The following MAPK8 variants were observed in gnomAD, a reference collection of about 807,000 sequenced individuals.
MAPK8 encodes mitogen-activated protein kinase 8, also known as JUN N-terminal kinase.
MAPK8 carries 13 observed loss-of-function variants against 52.9 expected under a neutral mutation model. The ratio of observed to expected loss-of-function variants is 0.25; its 90% CI spans 0.16 to 0.39. MAPK8 has a LOEUF of 0.39. MAPK8 is among the 10% of genes least tolerant of loss of function. The pLI, the probability that MAPK8 is intolerant of heterozygous loss-of-function variation, is 1.00. For synonymous variants in MAPK8, 191 were observed against 169.8 expected, an observed-to-expected ratio of 1.12 and a Z score of -0.97; for missense variants, 300 against 519.2, an observed-to-expected ratio of 0.58 and a Z score of 4.10.
intron 1 of MAPK8, among the ~76,000 whole-genome samples, chr10:48,388,605 C>T (rs192042500): frequency 4.6e-5 from 7 of 152,192 alleles, no homozygotes; most frequent in African/African-American, 1.7e-4. Flanking sequence ...AGCATGTTCC[C>T]CCCAGTTTTA....
At chr10:48,326,196 ATTT>A (rs1843504702) in intron 1 of MAPK8, among the ~76,000 whole-genome samples, 1 of 152,038 alleles carries the variant, frequency 6.6e-6, no homozygotes, top group African/African-American at 2.4e-5. Flanking sequence ...TGTGCAGGAG[ATTT>A]TTATTTTCTC....
At chr10:48,354,729 A>AT (rs5784756) in intron 1 of MAPK8, among the ~76,000 whole-genome samples, 14,822 of 152,140 alleles carry the variant, frequency 0.097, 752 homozygotes, top group Non-Finnish European at 0.11. Flanking sequence ...ACTGCTGAGA[A>AT]TTTTAAGCAA....
At chr10:48,411,755 C>T (rs1329833127) in intron 5 of MAPK8, among the ~76,000 whole-genome samples, 1 of 151,856 alleles carries the variant, frequency 6.6e-6, no homozygotes, top group Non-Finnish European at 1.5e-5. Context: ...CATAGGATGT[C>T]TTACCATTTC....
At chr10:48,337,020 A>G (rs1844752412) in intron 1 of MAPK8, among the ~76,000 whole-genome samples, 1 of 152,216 alleles carries the variant, frequency 6.6e-6, no homozygotes, top group African/African-American at 2.4e-5. Context: ...CAACCACACA[A>G]TAATAGTGGA....
At chr10:48,318,208 C>T (rs1177989227) in intron 1 of MAPK8, among the ~76,000 whole-genome samples, 1 of 152,100 alleles carries the variant, frequency 6.6e-6, no homozygotes, top group Admixed American at 6.5e-5. Context: ...CTCAGGGAAA[C>T]TTGTTTTTGC....
In MAPK8 at chr10:48,404,309, A is replaced by G. The variant is rs149719619; in HGVS notation, c.123-543A>G. 4.8e-3 allele frequency among the ~76,000 whole-genome samples: 722 copies of G among 151,762 alleles called. 6 individuals carry two copies. Among genetic ancestry groups the G allele is most frequent in the African/African-American group, 0.016 (663 of 41,370 alleles). Reference sequence around the variant, plus strand: ...GTAGCTGGGACTACAGGTGTGCACCATCACACCCAGCTAATTTTTTTGTAT... The same window carrying G: ...GTAGCTGGGACTACAGGTGTGCACCGTCACACCCAGCTAATTTTTTTGTAT... On this transcript the variant is annotated intron_variant, in intron 2 of 11. Coordinates refer to ENST00000374189, the MANE Select transcript of MAPK8 (RefSeq NM_001323329.2).
rs533265857 is a variant in MAPK8, at chr10:48,374,551, G to A, written c.-49-27061G>A. ...ATAGATACAATAGAAAATGATAAAG[G>A]GGATATCACCACTGATCCCACAGAA... On this transcript the variant is annotated intron_variant, in intron 1 of 11. Transcript: ENST00000374189. Among the ~76,000 whole-genome samples, 3 of 152,080 alleles carry A rather than the reference G, an allele frequency of 2.0e-5. No individual in the cohort carries two copies. The South Asian group carries it at 6.2e-4, about 32-fold the overall frequency.
chr10:48,418,190 A>G (rs74130265), intron 5 of MAPK8, among the ~76,000 whole-genome samples: 258 of 152,298 alleles, frequency 1.7e-3, no homozygotes, highest in African/African-American at 6.0e-3. Flanking sequence ...TGACAGCTTC[A>G]TGAAATGTTT....
intron 1 of MAPK8, among the ~76,000 whole-genome samples, chr10:48,312,530 G>C (rs2132075265): frequency 6.6e-6 from 1 of 152,276 alleles, no homozygotes; most frequent in African/African-American, 2.4e-5. Context: ...ACAAGCACTT[G>C]CTTTGCTTGG....
chr10:48,402,421 A>T (rs1453838710), intron 2 of MAPK8, among the ~76,000 whole-genome samples: 1 of 152,238 alleles, frequency 6.6e-6, no homozygotes, highest in African/African-American at 2.4e-5. Flanking sequence ...TGGGGAATGA[A>T]GTCAGCTAAT....
intron 2 of MAPK8, among the ~76,000 whole-genome samples, chr10:48,402,328 A>G (rs59115521): frequency 0.047 from 7,091 of 152,284 alleles, 554 homozygotes; most frequent in African/African-American, 0.16. Flanking sequence ...ATTCCCATAG[A>G]TAATTGTTTA....
intron 1 of MAPK8, among the ~76,000 whole-genome samples, chr10:48,363,430 C>G (rs952565472): frequency 6.6e-6 from 1 of 152,218 alleles, no homozygotes; most frequent in Non-Finnish European, 1.5e-5. Context: ...TATGTGTGGT[C>G]TAATGATTAT....
At chr10:48,379,188 C>T (rs1189984493) in intron 1 of MAPK8, among the ~76,000 whole-genome samples, 1 of 152,202 alleles carries the variant, frequency 6.6e-6, no homozygotes, top group African/African-American at 2.4e-5. Context: ...GAATTCTTCT[C>T]TTCTTGAAGT....
intron 5 of MAPK8, among the ~76,000 whole-genome samples, chr10:48,414,163 TATATA>T (rs2042934186): frequency 1.3e-5 from 2 of 152,050 alleles, no homozygotes; most frequent in South Asian, 2.1e-4. Context: ...TACATAGAAT[TATATA>T]ATATGTGATA....
chr10:48,408,535 A>G (rs1293109389), intron 3 of MAPK8, among the ~76,000 whole-genome samples: 2 of 152,248 alleles, frequency 1.3e-5, no homozygotes, highest in Admixed American at 6.5e-5. Flanking sequence ...AGGACTTAGC[A>G]GGAGATGAAG....
At chr10:48,405,105 G>A (rs958279769) in intron 3 of MAPK8, 124 bp downstream of exon 3, 84 of 176,144 alleles carry the variant, frequency 4.8e-4, no homozygotes, top group African/African-American at 3.3e-4. Context: ...TGTTTAAAAG[G>A]GATATATATA....
chr10:48,418,505 A>G (rs1277025940), intron 5 of MAPK8, among the ~76,000 whole-genome samples: 2 of 152,168 alleles, frequency 1.3e-5, no homozygotes, highest in African/African-American at 4.8e-5. Flanking sequence ...GAAAGTTCCT[A>G]ATCACCAAAG....
At position 48,410,141 on chromosome 10, in the gene MAPK8, C is replaced by A; in HGVS notation, c.423C>A (p.His141Gln). Residue 141 changes from histidine to glutamine, a missense_variant, in exon 5 of 12, where the codon CAC becomes CAA. His to Gln is a conservative substitution (Grantham distance 24). Transcript: ENST00000374189. ...ATCAGATGCTGTGTGGAATCAAGCA[C>A]CTTCATTCTGCTGGAATTATTCATC... Reference protein sequence around the residue: ...LLYQMLCGIKHLHSAGIIHRD... With the variant: ...LLYQMLCGIKQLHSAGIIHRD... 6.4e-7 allele frequency: 1 copy of A among 1,553,796 alleles called. No homozygotes were observed. The highest frequency in any genetic ancestry group is 8.7e-7 in the Non-Finnish European group (1 of 1,152,328).
chr10:48,438,281 GT>G lies in MAPK8; in HGVS notation c.*3253del, dbSNP rs1684773269. ...CCTCTCCGTATCCTGTTGCATTTTT[GT>G]GTGCATTGTGTTTCTACTGATCTCT... On this transcript the variant is annotated 3_prime_UTR_variant, in exon 12 of 12. Transcript: ENST00000374189. 6.6e-6 allele frequency: 1 copy of G among 152,144 alleles called. No individual in the cohort carries two copies. Among genetic ancestry groups the G allele is most frequent in the African/African-American group, 2.4e-5 (1 of 41,436 alleles). The allele number at this position is 152,144 out of a possible 1,614,324, so 9.4% of individuals were successfully genotyped here.
Sources: allele counts gnomAD v4.1 joint callset (sites outside exome capture counted in the v4.1 genomes callset), GRCh38; gene constraint gnomAD v4.1.1; transcripts MANE v1.5; gene names NCBI Gene and HGNC (gene_info 2026-07-23, HGNC 2026-07-21).